UBE2K: variants seen among roughly 807,000 people sequenced by gnomAD.
UBE2K encodes the protein ubiquitin-conjugating enzyme E2 K.
In UBE2K, 6 loss-of-function variants were observed where a neutral mutation model predicts 30.0. The observed-to-expected ratio is 0.20, with a 90% CI of 0.11 to 0.39. UBE2K has a LOEUF of 0.39. Among genes scored for constraint, UBE2K ranks in the 10% least tolerant of loss-of-function variants. The pLI is 1.00. For synonymous variants in UBE2K, 86 were observed against 83.7 expected, an observed-to-expected ratio of 1.03 and a Z score of -0.15; for missense variants, 61 against 241.6, an observed-to-expected ratio of 0.25 and a Z score of 4.96.
intron 2 of UBE2K, among the ~76,000 whole-genome samples, chr4:39,743,885 T>G (rs1346497692): frequency 6.6e-6 from 1 of 152,158 alleles, no homozygotes; most frequent in Non-Finnish European, 1.5e-5. Context: ...TTATTTGAGA[T>G]AGATTCTTGC....
chr4:39,741,404 G>A (rs1284847423), intron 2 of UBE2K, among the ~76,000 whole-genome samples: 2 of 152,122 alleles, frequency 1.3e-5, no homozygotes, highest in African/African-American at 2.4e-5. Flanking sequence ...ACTATTGAGA[G>A]AAGTTCATTT....
intron 1 of UBE2K, among the ~76,000 whole-genome samples, chr4:39,733,332 A>ATTTTTTTTTTTTTTTT (rs34069872): frequency 7.8e-6 from 1 of 129,020 alleles, no homozygotes; most frequent in Non-Finnish European, 1.6e-5. Flanking sequence ...TCGGGCTTTA[A>ATTTTTTTTTTTTTTTT]TTTTTTTTTT....
rs140393051 is a variant in UBE2K at position 39,711,989 on chromosome 4, C to T, written c.63+13599C>T. The stretch of plus-strand genomic sequence containing the variant: ...TGGGGAGGCAGAGGTTGCATTAAGC[C>T]GAGATTGCGCCATTGCATTCCATCC... On this transcript the variant is annotated intron_variant, in intron 1 of 6. Transcript: ENST00000261427. Among the ~76,000 whole-genome samples the T allele has an allele frequency of 1.1e-4, 16 of 150,996 alleles. No homozygotes were observed. In the East Asian group the frequency reaches 2.7e-3, roughly 26 times the overall value.
At chr4:39,771,352 T>C (rs1712816794) in intron 4 of UBE2K, 7 of 1,612,628 alleles carry the variant, frequency 4.3e-6, no homozygotes, top group Non-Finnish European at 5.9e-6. Flanking sequence ...GAACCACTCC[T>C]CTGCCCGGAG....
intron 1 of UBE2K, among the ~76,000 whole-genome samples, chr4:39,730,834 CAG>C (rs1204774596): frequency 8.8e-6 from 1 of 114,188 alleles, no homozygotes; most frequent in East Asian, 3.1e-4. Flanking sequence ...TTTTTTGAGA[CAG>C]AGTCTCACTC....
intron 1 of UBE2K, among the ~76,000 whole-genome samples, chr4:39,729,775 T>G (rs1038990990): frequency 1.2e-4 from 19 of 152,368 alleles, no homozygotes; most frequent in African/African-American, 4.3e-4. Context: ...CTTTGTATTG[T>G]AGTCACATTG....
At chr4:39,738,955 G>T (rs1720522067) in intron 2 of UBE2K, among the ~76,000 whole-genome samples, 1 of 152,028 alleles carries the variant, frequency 6.6e-6, no homozygotes, top group Non-Finnish European at 1.5e-5. Context: ...GATTACAGGC[G>T]TGAGCCACCA....
rs568111567 is a variant in UBE2K, at chr4:39,701,987, C to G, written c.63+3597C>G. ...TGTTGGCCAGGCTGGTCTTGAACTC[C>G]TAACTTCAAGTGATCCGCCTGCCTC... On this transcript the variant is annotated intron_variant, in intron 1 of 6. Coordinates refer to ENST00000261427, the MANE Select transcript of UBE2K (RefSeq NM_005339.5). 6.6e-5 allele frequency among the ~76,000 whole-genome samples: 10 copies of G among 151,984 alleles called. No homozygotes were observed. The South Asian group carries it at 2.1e-3, about 32-fold the overall frequency.
chr4:39,782,298 T>C lies in UBE2K; in HGVS notation c.*3864T>C. 1 of 257,316 alleles carries C rather than the reference T, an allele frequency of 3.9e-6. No homozygotes were observed. Among genetic ancestry groups the C allele is most frequent in the African/African-American group, 2.2e-5 (1 of 45,520 alleles). 15.9% of individuals were successfully genotyped at this position (257,316 alleles called of 1,614,324 possible). ...TTGTCTGCTTGCTGTTACCTACTTT[T>C]TACAGGCATCATAATAAAAGCTAGA... On this transcript the variant is annotated 3_prime_UTR_variant, in exon 7 of 7. Transcript: ENST00000261427.
At chr4:39,747,264 A>G (rs1480310936) in intron 3 of UBE2K, among the ~76,000 whole-genome samples, 2 of 152,028 alleles carry the variant, frequency 1.3e-5, no homozygotes, top group East Asian at 1.9e-4. Flanking sequence ...CAGTGTATTT[A>G]CCTTGTTGTT....
In UBE2K at chr4:39,698,235, G is replaced by A. The variant is rs569678358; in HGVS notation, c.-93G>A. 1.3e-5 allele frequency: 16 copies of A among 1,271,524 alleles called. No homozygotes were observed. The highest frequency in any genetic ancestry group is 1.6e-5 in the Non-Finnish European group (14 of 888,454). The allele number at this position is 1,271,524 out of a possible 1,614,324, so 78.8% of individuals were successfully genotyped here. Reference sequence around the variant, plus strand: ...TTCGTGTGCTCAGGTCTGAATCGCCGAGGGAGGAGGCGGTGGAGGAAGAGG... The same window carrying A: ...TTCGTGTGCTCAGGTCTGAATCGCCAAGGGAGGAGGCGGTGGAGGAAGAGG... On this transcript the variant is annotated 5_prime_UTR_variant, in exon 1 of 7. Coordinates refer to ENST00000261427, the MANE Select transcript of UBE2K (RefSeq NM_005339.5).
At chr4:39,734,184 C>T (rs774125265) in intron 1 of UBE2K, among the ~76,000 whole-genome samples, 6 of 151,010 alleles carry the variant, frequency 4.0e-5, no homozygotes, top group Non-Finnish European at 5.9e-5. Flanking sequence ...CGGCTCACTC[C>T]AACCTCCACA....
In UBE2K at chr4:39,778,564, T is replaced by C. The variant is rs760521754; in HGVS notation, c.*130T>C. On this transcript the variant is annotated 3_prime_UTR_variant, in exon 7 of 7. Coordinates refer to ENST00000261427, the MANE Select transcript of UBE2K (RefSeq NM_005339.5). The stretch of plus-strand genomic sequence containing the variant: ...GCCTAATGATGTTATCTAGGCACCA[T>C]TGGAGACTGAAAAAAAAAAATCCCT... 26 of 508,932 alleles carry C rather than the reference T, an allele frequency of 5.1e-5. No homozygotes were observed. Among genetic ancestry groups the C allele is most frequent in the African/African-American group, 9.8e-5 (5 of 51,162 alleles). 31.5% of individuals were successfully genotyped at this position (508,932 alleles called of 1,614,324 possible).
chr4:39,713,188 T>C (rs1260225942), intron 1 of UBE2K, among the ~76,000 whole-genome samples: 1 of 151,454 alleles, frequency 6.6e-6, no homozygotes, highest in Non-Finnish European at 1.5e-5. Context: ...TAACTGCTTT[T>C]TTAAAAATTG....
At chr4:39,722,294 G>C (rs1007717972) in intron 1 of UBE2K, among the ~76,000 whole-genome samples, 25 of 152,068 alleles carry the variant, frequency 1.6e-4, no homozygotes, top group Non-Finnish European at 3.2e-4. Flanking sequence ...GTAAAGGTTT[G>C]ATTAGCTTCA....
chr4:39,745,702 T>C (rs777091026), intron 2 of UBE2K, 50 bp from the exon 3 acceptor site: 18 of 1,238,528 alleles, frequency 1.5e-5, no homozygotes, highest in Non-Finnish European at 1.9e-5. Context: ...ATTTGTCTTA[T>C]ATATTTGAAT....
chr4:39,731,419 C>G (rs116486995), intron 1 of UBE2K, among the ~76,000 whole-genome samples: 11,713 of 152,070 alleles, frequency 0.077, 1,030 homozygotes, highest in African/African-American at 0.22. Context: ...GTGGCTCACA[C>G]CTGTAATCCC....
At chr4:39,725,848 G>T (rs1193566291) in intron 1 of UBE2K, among the ~76,000 whole-genome samples, 1 of 152,098 alleles carries the variant, frequency 6.6e-6, no homozygotes, top group Non-Finnish European at 1.5e-5. Flanking sequence ...TTGCCATGTT[G>T]CCCAGGTTGG....
intron 1 of UBE2K, among the ~76,000 whole-genome samples, chr4:39,700,021 AGTT>A (rs978756847): frequency 5.0e-4 from 76 of 152,304 alleles, no homozygotes; most frequent in African/African-American, 1.6e-3. Context: ...TAATGAAAGC[AGTT>A]GTTGTTGCCA....
Sources: gnomAD v4.1 joint callset for allele counts (sites outside exome capture counted in the v4.1 genomes callset) on GRCh38, gnomAD v4.1.1 for gene constraint, MANE v1.5 for transcripts, NCBI Gene and HGNC (gene_info 2026-07-23, HGNC 2026-07-21) for gene names.